The following KCNQ3 variants were observed in gnomAD, a reference collection of about 807,000 sequenced individuals.
KCNQ3 encodes potassium voltage-gated channel subfamily KQT member 3.
A neutral mutation model predicts 92.5 loss-of-function variants in KCNQ3; 30 were observed. The observed-to-expected ratio is 0.32, with a 90% confidence interval of 0.24 to 0.44. The LOEUF is 0.44. Ranked by LOEUF, KCNQ3 falls within the 20% of genes least tolerant of loss-of-function variation. KCNQ3 has a pLI of 1.00. For synonymous variants in KCNQ3, 450 were observed against 468.8 expected (o/e 0.96, Z 0.52); for missense variants, 913 against 1,140.3 (o/e 0.80, Z 2.87).
chr8:132,432,579 G>T (rs117299538), intron 1 of KCNQ3, among the ~76,000 whole-genome samples: 5 of 151,796 alleles, frequency 3.3e-5, no homozygotes, highest in Non-Finnish European at 7.4e-5. Flanking sequence ...TTCCAAACTC[G>T]ACTCCACAGG....
intron 1 of KCNQ3, among the ~76,000 whole-genome samples, chr8:132,407,889 G>A (rs1820534918): frequency 1.3e-5 from 2 of 152,168 alleles, no homozygotes; most frequent in Non-Finnish European, 2.9e-5. Context: ...GGAACTCCGA[G>A]CTAACGAAGA....
At position 132,141,468 on chromosome 8, in the gene KCNQ3, C is replaced by T; in HGVS notation, c.1263-137G>A. ...GCATTTCACAGTGCTGAATCTGACTCAGCAGCTTGGAATCGGACAGGGCGT... is the reference window on the plus strand; with the variant it reads ...GCATTTCACAGTGCTGAATCTGACTTAGCAGCTTGGAATCGGACAGGGCGT... On this transcript the variant is annotated intron_variant, in intron 9 of 14. Coordinates refer to ENST00000388996, the MANE Select transcript of KCNQ3 (RefSeq NM_004519.4). 7 of 796,896 alleles carry T rather than the reference C, an allele frequency of 8.8e-6. No homozygotes were observed. In the South Asian group the frequency reaches 1.0e-4, roughly 12 times the overall value. The allele number at this position is 796,896 out of a possible 1,614,324, so 49.4% of individuals were successfully genotyped here. A position where few individuals can be genotyped will look rare whatever the true frequency, so the allele number is the denominator to read the frequency against.
intron 2 of KCNQ3, 129 bp from the exon 3 acceptor site, chr8:132,184,496 G>T: frequency 1.0e-6 from 1 of 982,504 alleles, no homozygotes; most frequent in Non-Finnish European, 1.6e-6. Flanking sequence ...TGGCAGGGAT[G>T]GCTGGGGATG....
chr8:132,460,297 C>T (rs28855224), intron 1 of KCNQ3, among the ~76,000 whole-genome samples: 1 of 152,120 alleles, frequency 6.6e-6, no homozygotes, highest in Non-Finnish European at 1.5e-5. Context: ...ATAGCCCATG[C>T]ATATACACAT....
chr8:132,126,101 T>C lies in KCNQ3; in HGVS notation c.*3161A>G, dbSNP rs534366610. ...CACATTGTGACCCAGAAAGACCAAATACATACATGAGATCATAGTTTTACC... is the reference window on the plus strand; with the variant it reads ...CACATTGTGACCCAGAAAGACCAAACACATACATGAGATCATAGTTTTACC... On this transcript the variant is annotated 3_prime_UTR_variant, in exon 15 of 15. Coordinates refer to ENST00000388996, the MANE Select transcript of KCNQ3 (RefSeq NM_004519.4). 6.6e-6 allele frequency: 1 copy of C among 152,316 alleles called. No homozygotes were observed. Among genetic ancestry groups the C allele is most frequent in the Admixed American group, 6.5e-5 (1 of 15,296 alleles). 9.4% of individuals were successfully genotyped at this position (152,316 alleles called of 1,614,324 possible).
chr8:132,158,168 T>C (rs1825866287), intron 9 of KCNQ3, among the ~76,000 whole-genome samples: 1 of 152,084 alleles, frequency 6.6e-6, no homozygotes, highest in South Asian at 2.1e-4. Flanking sequence ...CAGGAGAAAA[T>C]ACTAATAGCT....
At chr8:132,301,033 C>T (rs995576441) in intron 1 of KCNQ3, among the ~76,000 whole-genome samples, 3 of 152,262 alleles carry the variant, frequency 2.0e-5, no homozygotes, top group East Asian at 1.9e-4. Flanking sequence ...TTTCCAGGTG[C>T]CTTCTGGCTG....
intron 1 of KCNQ3, among the ~76,000 whole-genome samples, chr8:132,343,761 C>T (rs1818602371): frequency 6.6e-6 from 1 of 152,084 alleles, no homozygotes; most frequent in Non-Finnish European, 1.5e-5. Flanking sequence ...GAGACCTCCA[C>T]CTGGTGTCCT....
intron 1 of KCNQ3, among the ~76,000 whole-genome samples, chr8:132,434,868 CG>C (rs1004019966): frequency 3.7e-4 from 57 of 152,176 alleles, no homozygotes; most frequent in Non-Finnish European, 7.2e-4. Flanking sequence ...GAGGTGACCC[CG>C]GAAGAGGCTG....
chr8:132,454,610 A>G (rs1482040674), intron 1 of KCNQ3, among the ~76,000 whole-genome samples: 1 of 152,176 alleles, frequency 6.6e-6, no homozygotes, highest in Non-Finnish European at 1.5e-5. Flanking sequence ...GGAAGGGGTC[A>G]TCTCAGTGCC....
intron 11 of KCNQ3, among the ~76,000 whole-genome samples, 182 bp from the exon 12 acceptor site, chr8:132,138,198 C>T (rs897289602): frequency 7.2e-5 from 11 of 152,220 alleles, no homozygotes; most frequent in African/African-American, 2.7e-4. Flanking sequence ...AGTACATCTC[C>T]ATCAGGATTA....
chr8:132,475,662 C>T (rs1399500757), intron 1 of KCNQ3, among the ~76,000 whole-genome samples: 2 of 152,110 alleles, frequency 1.3e-5, no homozygotes, highest in Admixed American at 6.5e-5. Flanking sequence ...CAGTTATGTG[C>T]GTTCACAAAG....
At chr8:132,289,750 CTCAG>C (rs1398143127) in intron 1 of KCNQ3, among the ~76,000 whole-genome samples, 1 of 152,104 alleles carries the variant, frequency 6.6e-6, no homozygotes, top group Non-Finnish European at 1.5e-5. Flanking sequence ...TGAAAATATT[CTCAG>C]TCAGTTTGCT....
chr8:132,464,386 T>C (rs11780826), intron 1 of KCNQ3, among the ~76,000 whole-genome samples: 41,302 of 151,984 alleles, frequency 0.27, 5,867 homozygotes, highest in East Asian at 0.37. Context: ...GCTGGCATTG[T>C]GTCCATTCAT....
At chr8:132,229,785 G>A (rs1388407304) in intron 1 of KCNQ3, among the ~76,000 whole-genome samples, 1 of 152,140 alleles carries the variant, frequency 6.6e-6, no homozygotes, top group Non-Finnish European at 1.5e-5. Flanking sequence ...AAGCAAGGGA[G>A]CAACTACAGC....
intron 1 of KCNQ3, among the ~76,000 whole-genome samples, chr8:132,240,171 G>A (rs917841594): frequency 1.3e-5 from 2 of 148,184 alleles, no homozygotes; most frequent in East Asian, 2.0e-4. Context: ...CCATAGGCCT[G>A]TGCCATGATT....
intron 1 of KCNQ3, among the ~76,000 whole-genome samples, chr8:132,197,417 G>C (rs527876440): frequency 2.6e-5 from 4 of 152,192 alleles, no homozygotes; most frequent in East Asian, 1.9e-4. Context: ...CCCTGTTCTC[G>C]TTTGACACTT....
intron 1 of KCNQ3, among the ~76,000 whole-genome samples, chr8:132,406,502 C>T (rs938090066): frequency 6.6e-6 from 1 of 151,898 alleles, no homozygotes; most frequent in Non-Finnish European, 1.5e-5. Context: ...CATTCCTGAG[C>T]CCCACTCACT....
chr8:132,462,073 C>A (rs1822072931), intron 1 of KCNQ3, among the ~76,000 whole-genome samples: 1 of 152,098 alleles, frequency 6.6e-6, no homozygotes, highest in Admixed American at 6.5e-5. Context: ...TTTTATAGCA[C>A]CATTTTAGTC....
Sources: allele counts gnomAD v4.1 joint callset (sites outside exome capture counted in the v4.1 genomes callset), GRCh38; gene constraint gnomAD v4.1.1; transcripts MANE v1.5; gene names NCBI Gene and HGNC (gene_info 2026-07-23, HGNC 2026-07-21).